The following ENOX1 variants were observed in gnomAD, a reference collection of about 807,000 sequenced individuals.
The protein encoded by ENOX1 is candidate growth-related and time keeping constitutive hydroquinone (NADH) oxidase.
Under a neutral mutation model 82.5 loss-of-function variants are expected in ENOX1, and 42 were observed. The ratio of observed to expected loss-of-function variants is 0.51; its 90% confidence interval spans 0.40 to 0.66. The LOEUF (loss-of-function observed/expected upper bound fraction) is 0.66, where lower values mean the gene tolerates loss of function less well. Ranked by LOEUF, ENOX1 falls within the 30% of genes least tolerant of loss-of-function variation. The pLI is 0.00. For missense variants in ENOX1, 608 were observed against 811.6 expected, an observed-to-expected ratio of 0.75 and a Z score of 3.05; for synonymous variants, 271 against 282.2, an observed-to-expected ratio of 0.96 and a Z score of 0.40.
intron 12 of ENOX1, among the ~76,000 whole-genome samples, chr13:43,283,445 T>TTTTG (rs774638575): frequency 9.9e-4 from 150 of 152,138 alleles, no homozygotes; most frequent in Non-Finnish European, 1.8e-3. Flanking sequence ...GTTTATTATT[T>TTTTG]TTTGTTTGTT....
At chr13:43,547,072 A>G (rs1426510375) in intron 2 of ENOX1, 3 of 152,248 alleles carry the variant, frequency 2.0e-5, no homozygotes, top group Admixed American at 6.5e-5. Context: ...TTGTTTGTTA[A>G]GCCGGCCCAG....
chr13:43,759,102 T>TC, intron 1 of ENOX1, among the ~76,000 whole-genome samples: 1 of 145,796 alleles, frequency 6.9e-6, no homozygotes, highest in Non-Finnish European at 1.5e-5. Context: ...AGTTTCTTTT[T>TC]TTTTTTTTTT....
intron 2 of ENOX1, among the ~76,000 whole-genome samples, chr13:43,626,394 G>T (rs909004039): frequency 1.3e-5 from 2 of 151,070 alleles, no homozygotes; most frequent in Non-Finnish European, 3.0e-5. Context: ...AGTTTTTTGG[G>T]GTGATAAATT....
rs572296969 is a variant in ENOX1, at chr13:43,715,316, C to T, written c.-284-47772G>A. Among the ~76,000 whole-genome samples, 29 of 151,734 alleles carry T rather than the reference C, an allele frequency of 1.9e-4. No homozygotes were observed. In the South Asian group the frequency reaches 5.2e-3, roughly 27 times the overall value. ...GATGGGCTTCCCTTTGTGGGTAACCCGACCTTTCTCTCTGGCTGCCCTTAA... is the reference window on the plus strand; with the variant it reads ...GATGGGCTTCCCTTTGTGGGTAACCTGACCTTTCTCTCTGGCTGCCCTTAA... On this transcript the variant is annotated intron_variant, in intron 1 of 16. Transcript: ENST00000690772.
At chr13:43,479,939 A>AT (rs1555294216) in intron 3 of ENOX1, among the ~76,000 whole-genome samples, 33 of 107,896 alleles carry the variant, frequency 3.1e-4, no homozygotes, top group Non-Finnish European at 4.0e-4. Context: ...TTTTATTTTT[A>AT]TTTTTTTTTT....
chr13:43,675,134 T>C (rs537209454), intron 1 of ENOX1, among the ~76,000 whole-genome samples: 2 of 152,328 alleles, frequency 1.3e-5, no homozygotes, highest in East Asian at 1.9e-4. Context: ...AAGGTCACTC[T>C]GGCTGCTGTA....
intron 11 of ENOX1, 41 bp downstream of exon 11, chr13:43,322,342 CA>C (rs767543979): frequency 1.3e-6 from 2 of 1,484,626 alleles, no homozygotes; most frequent in East Asian, 2.3e-5. Flanking sequence ...TTTGGAAGAT[CA>C]TTATGATACC....
intron 3 of ENOX1, among the ~76,000 whole-genome samples, chr13:43,435,037 C>T (rs375638067): frequency 3.3e-4 from 44 of 134,422 alleles, no homozygotes; most frequent in African/African-American, 1.1e-3. Flanking sequence ...GGAGAGATTA[C>T]AAACCTCTTA....
At chr13:43,297,805 G>A (rs1273239492) in intron 12 of ENOX1, among the ~76,000 whole-genome samples, 1 of 150,852 alleles carries the variant, frequency 6.6e-6, no homozygotes, top group Non-Finnish European at 1.5e-5. Flanking sequence ...TGTTTCTAAA[G>A]TTATTTATCC....
chr13:43,537,396 A>C (rs905187292), intron 2 of ENOX1, among the ~76,000 whole-genome samples: 1 of 152,172 alleles, frequency 6.6e-6, no homozygotes, highest in African/African-American at 2.4e-5. Context: ...TCATTCACAG[A>C]ATGTATGTGA....
chr13:43,381,787 A>G (rs1174002191), intron 5 of ENOX1, among the ~76,000 whole-genome samples: 3 of 152,014 alleles, frequency 2.0e-5, no homozygotes, highest in Non-Finnish European at 2.9e-5. Flanking sequence ...CTTGAAAAAC[A>G]CAAATTACCA....
intron 1 of ENOX1, among the ~76,000 whole-genome samples, chr13:43,779,207 A>G (rs892457749): frequency 7.3e-5 from 11 of 150,990 alleles, no homozygotes; most frequent in Admixed American, 2.0e-4. Flanking sequence ...AAAAAAAAGC[A>G]GATTCTTCCA....
At chr13:43,571,338 T>A (rs188419798) in intron 2 of ENOX1, among the ~76,000 whole-genome samples, 293 of 152,288 alleles carry the variant, frequency 1.9e-3, no homozygotes, top group African/African-American at 6.8e-3. Context: ...CTCAACTAGA[T>A]GTGAACTCAA....
At chr13:43,644,240 T>G (rs1280482364) in intron 2 of ENOX1, among the ~76,000 whole-genome samples, 1 of 152,212 alleles carries the variant, frequency 6.6e-6, no homozygotes, top group East Asian at 1.9e-4. Flanking sequence ...CCCTGATTAG[T>G]ATGTGAGTGG....
intron 11 of ENOX1, among the ~76,000 whole-genome samples, chr13:43,305,462 G>A (rs7992344): frequency 0.85 from 129,156 of 152,098 alleles, 55,032 homozygotes; most frequent in East Asian, 0.96. Context: ...TGAGGCCAGC[G>A]GAATAAGGGT....
At chr13:43,223,954 T>C (rs140022748) in intron 16 of ENOX1, 99 bp downstream of exon 16, 12,296 of 854,044 alleles carry the variant, frequency 0.014, 121 homozygotes, top group Non-Finnish European at 0.019. Flanking sequence ...CCCCATAGGC[T>C]GCTACAGCCC....
At chr13:43,255,001 A>G (rs1347821626) in intron 14 of ENOX1, among the ~76,000 whole-genome samples, 1 of 152,208 alleles carries the variant, frequency 6.6e-6, no homozygotes, top group Non-Finnish European at 1.5e-5. Context: ...TATTAAAAAA[A>G]CCACAGGCCA....
intron 3 of ENOX1, among the ~76,000 whole-genome samples, chr13:43,422,809 G>A (rs2153607907): frequency 6.6e-6 from 1 of 152,178 alleles, no homozygotes; most frequent in South Asian, 2.1e-4. Context: ...GTAGAGACAT[G>A]ACAAGTAAAA....
At chr13:43,580,931 C>T (rs185309228) in intron 2 of ENOX1, among the ~76,000 whole-genome samples, 18 of 152,090 alleles carry the variant, frequency 1.2e-4, no homozygotes, top group African/African-American at 1.7e-4. Context: ...ATAGTTTGTC[C>T]TTTAGGAGAT....
Sources: gnomAD v4.1 joint callset for allele counts (sites outside exome capture counted in the v4.1 genomes callset) on GRCh38, gnomAD v4.1.1 for gene constraint, MANE v1.5 for transcripts, NCBI Gene and HGNC (gene_info 2026-07-23, HGNC 2026-07-21) for gene names.